The following UCK2 variants were observed in gnomAD, a reference collection of about 807,000 sequenced individuals.
UCK2 encodes the protein uridine-cytidine kinase 2.
In UCK2, 6 loss-of-function variants were observed where a neutral mutation model predicts 30.8. That is an observed-to-expected ratio of 0.19 (90% CI 0.11 to 0.38). The LOEUF is 0.38. Ranked by LOEUF, UCK2 falls within the 10% of genes least tolerant of loss-of-function variation. The pLI is 1.00. For missense variants in UCK2, 210 were observed against 339.8 expected, an observed-to-expected ratio of 0.62 and a Z score of 3.00; for synonymous variants, 125 against 133.6, an observed-to-expected ratio of 0.94 and a Z score of 0.45.
intron 1 of UCK2, among the ~76,000 whole-genome samples, chr1:165,883,037 G>A (rs978499918): frequency 6.6e-6 from 1 of 152,130 alleles, no homozygotes; most frequent in Non-Finnish European, 1.5e-5. Context: ...TGTTGGCCAG[G>A]ATGGTCTTGA....
intron 4 of UCK2, among the ~76,000 whole-genome samples, chr1:165,899,369 C>T (rs1205713338): frequency 1.3e-5 from 2 of 152,214 alleles, no homozygotes; most frequent in Non-Finnish European, 2.9e-5. Flanking sequence ...GACCCCTCAT[C>T]TTCCTCATCC....
At chr1:165,882,816 C>G (rs1046817034) in intron 1 of UCK2, among the ~76,000 whole-genome samples, 1 of 152,048 alleles carries the variant, frequency 6.6e-6, no homozygotes, top group African/African-American at 2.4e-5. Flanking sequence ...ACATTCAGAC[C>G]TTAACACTCA....
At chr1:165,889,929 G>A (rs1655723902) in intron 1 of UCK2, among the ~76,000 whole-genome samples, 1 of 151,962 alleles carries the variant, frequency 6.6e-6, no homozygotes, top group African/African-American at 2.4e-5. Flanking sequence ...ACTTACAAGT[G>A]GGAACATGCA....
intron 1 of UCK2, among the ~76,000 whole-genome samples, chr1:165,861,655 AAAAAC>A (rs1338617580): frequency 0.015 from 1,344 of 91,466 alleles, 329 homozygotes; most frequent in African/African-American, 0.043. Context: ...AAAAACAAAA[AAAAAC>A]AACAGTAAAA....
chr1:165,876,631 A>G lies in UCK2; in HGVS notation c.100-13573A>G, dbSNP rs1368079725. ...TTAAAAAAAGAAATTCAATATACCCATTAAAAAAGTGACAGGTGTATTAGT... is the reference window on the plus strand; with the variant it reads ...TTAAAAAAAGAAATTCAATATACCCGTTAAAAAAGTGACAGGTGTATTAGT... On this transcript the variant is annotated intron_variant, in intron 1 of 6. Transcript: ENST00000367879. Among the ~76,000 whole-genome samples, 6 of 152,252 alleles carry G rather than the reference A, an allele frequency of 3.9e-5. No individual in the cohort carries two copies. In the East Asian group the frequency reaches 1.2e-3, roughly 29 times the overall value.
chr1:165,840,461 TGGTG>T (rs1181061918), intron 1 of UCK2, among the ~76,000 whole-genome samples: 1 of 152,220 alleles, frequency 6.6e-6, no homozygotes, highest in Non-Finnish European at 1.5e-5. Flanking sequence ...AGTCAGCATG[TGGTG>T]CAATCGATCC....
intron 4 of UCK2, 77 bp downstream of exon 4, chr1:165,896,409 C>T: frequency 4.5e-6 from 7 of 1,555,394 alleles, no homozygotes; most frequent in Non-Finnish European, 5.3e-6. Context: ...GTGACAGGAC[C>T]CCACCCGCCT....
chr1:165,834,971 G>C (rs555633286), intron 1 of UCK2, among the ~76,000 whole-genome samples: 1 of 152,188 alleles, frequency 6.6e-6, no homozygotes, highest in South Asian at 2.1e-4. Flanking sequence ...TCTTTATTCA[G>C]CCCATAAGTA....
intron 1 of UCK2, among the ~76,000 whole-genome samples, chr1:165,881,182 TAAAAAAAA>T (rs56886913): frequency 1.1e-5 from 1 of 92,852 alleles, no homozygotes; most frequent in African/African-American, 4.2e-5. Context: ...CAATAAAACT[TAAAAAAAA>T]AAAAAAAAAA....
intron 1 of UCK2, among the ~76,000 whole-genome samples, chr1:165,859,367 G>A (rs1482271306): frequency 1.3e-5 from 2 of 152,162 alleles, no homozygotes; most frequent in Non-Finnish European, 2.9e-5. Flanking sequence ...CTCGCTGCTG[G>A]TCCTCCGCTG....
rs1653922917 is a variant in UCK2 at position 165,827,750 on chromosome 1, G to GCA, written c.-84_-83insCA. 8.3e-7 allele frequency: 1 copy of GCA among 1,208,672 alleles called. No homozygotes were observed. The highest frequency in any genetic ancestry group is 3.2e-5 in the East Asian group (1 of 31,128). 74.9% of individuals were successfully genotyped at this position (1,208,672 alleles called of 1,614,324 possible). A position where few individuals can be genotyped will look rare whatever the true frequency, so the allele number is the denominator to read the frequency against. On this transcript the variant is annotated 5_prime_UTR_variant, in exon 1 of 7. Transcript: ENST00000367879. ...CCGGCAGCGCCCAGCGGCGGCTGCG[G>GCA]AAAGCGGAGGGAGTCCGACGCGGGC...
intron 1 of UCK2, among the ~76,000 whole-genome samples, chr1:165,869,842 C>T (rs1655151645): frequency 1.3e-5 from 2 of 151,660 alleles, no homozygotes; most frequent in South Asian, 2.1e-4. Context: ...TTTTTGTGGA[C>T]GTCTTGCAGT....
intron 1 of UCK2, among the ~76,000 whole-genome samples, chr1:165,849,390 G>A (rs1654536619): frequency 2.6e-5 from 4 of 152,170 alleles, no homozygotes. Context: ...CTCCGATCTG[G>A]GAAAGAGTGG....
intron 1 of UCK2, among the ~76,000 whole-genome samples, chr1:165,875,432 GA>G (rs1265066752): frequency 6.6e-6 from 1 of 152,196 alleles, no homozygotes; most frequent in Non-Finnish European, 1.5e-5. Context: ...TGTGGTGAGA[GA>G]GGGGGGATTT....
chr1:165,855,748 C>T (rs1168571676), intron 1 of UCK2, among the ~76,000 whole-genome samples: 1 of 152,110 alleles, frequency 6.6e-6, no homozygotes, highest in Non-Finnish European at 1.5e-5. Flanking sequence ...ATTCGAGGAG[C>T]ACAGGTGGAT....
intron 1 of UCK2, among the ~76,000 whole-genome samples, chr1:165,887,345 C>T (rs564558430): frequency 6.6e-6 from 1 of 152,280 alleles, no homozygotes; most frequent in East Asian, 1.9e-4. Context: ...TCTAGAATTG[C>T]ACCTACTGTA....
chr1:165,829,523 G>C (rs1455843309), intron 1 of UCK2, among the ~76,000 whole-genome samples: 1 of 152,226 alleles, frequency 6.6e-6, no homozygotes, highest in Non-Finnish European at 1.5e-5. Flanking sequence ...CTAAAGTGGG[G>C]AGGAGGCTTA....
At chr1:165,898,493 G>A (rs1159342806) in intron 4 of UCK2, among the ~76,000 whole-genome samples, 1 of 152,118 alleles carries the variant, frequency 6.6e-6, no homozygotes, top group African/African-American at 2.4e-5. Flanking sequence ...TCCTCCAAGG[G>A]GATCTGCTCC....
chr1:165,892,815 G>C (rs1275591904), intron 3 of UCK2: 1 of 152,472 alleles, frequency 6.6e-6, no homozygotes, highest in Non-Finnish European at 1.5e-5. Flanking sequence ...AGATAGGAAA[G>C]GATAAGAAGT....
Sources: gnomAD v4.1 joint callset for allele counts (sites outside exome capture counted in the v4.1 genomes callset) on GRCh38, gnomAD v4.1.1 for gene constraint, MANE v1.5 for transcripts, NCBI Gene and HGNC (gene_info 2026-07-23, HGNC 2026-07-21) for gene names.